GRM8: variants seen among roughly 807,000 people sequenced by gnomAD.
GRM8 encodes glutamate metabotropic receptor 8.
Under a neutral mutation model 87.2 loss-of-function variants are expected in GRM8, and 47 were observed. The observed-to-expected ratio is 0.54, with a 90% CI of 0.43 to 0.69. The LOEUF (loss-of-function observed/expected upper bound fraction) is 0.69, where lower values mean the gene tolerates loss of function less well. GRM8 is among the 30% of genes least tolerant of loss of function. GRM8 has a pLI of 0.00. For synonymous variants in GRM8, 396 were observed against 404.5 expected (o/e 0.98, Z 0.25); for missense variants, 1,019 against 1,139.2 (o/e 0.89, Z 1.52).
rs513 is a variant in GRM8, at chr7:126,456,519, T to TAAAAAAAAAAAAAAAA, written c.2431-10163_2431-10148dup. On this transcript the variant is annotated intron_variant, in intron 9 of 10. Coordinates refer to ENST00000339582, the MANE Select transcript of GRM8 (RefSeq NM_000845.3). Reference sequence around the variant, plus strand: ...TCCTAAGTGTAAGAAAGCAGCAAGCTAAAAAAAAAAAAAAAAAAAAAAAAA... The same window carrying TAAAAAAAAAAAAAAAA: ...TCCTAAGTGTAAGAAAGCAGCAAGCTAAAAAAAAAAAAAAAAAAAAAAAAAAAAAAAAAAAAAAAAA... 5.3e-4 allele frequency among the ~76,000 whole-genome samples: 37 copies of TAAAAAAAAAAAAAAAA among 69,684 alleles called. 1 individual carries two copies. Among genetic ancestry groups the TAAAAAAAAAAAAAAAA allele is most frequent in the Non-Finnish European group, 6.0e-4 (24 of 40,162 alleles). The allele number at this position is 69,684 out of a possible 152,430, so 45.7% of individuals were successfully genotyped here. A position where few individuals can be genotyped will look rare whatever the true frequency, so the allele number is the denominator to read the frequency against.
chr7:127,232,210 TGTGA>T (rs1270598103), intron 2 of GRM8, among the ~76,000 whole-genome samples: 82 of 146,092 alleles, frequency 5.6e-4, no homozygotes, highest in South Asian at 3.1e-3. Context: ...TGTGTGTGTG[TGTGA>T]GAGAGAGAGA....
At chr7:126,742,159 T>A (rs1815082240) in intron 7 of GRM8, among the ~76,000 whole-genome samples, 2 of 152,126 alleles carry the variant, frequency 1.3e-5, no homozygotes, top group South Asian at 4.1e-4. Flanking sequence ...AAAAAATCCA[T>A]TAGATCCATA....
At chr7:127,230,341 T>C (rs1294519593) in intron 2 of GRM8, among the ~76,000 whole-genome samples, 1 of 152,114 alleles carries the variant, frequency 6.6e-6, no homozygotes. Flanking sequence ...AGAGAGATGC[T>C]GTGAGAGGGA....
intron 3 of GRM8, among the ~76,000 whole-genome samples, chr7:127,036,689 G>A (rs1370872733): frequency 6.6e-6 from 1 of 152,132 alleles, no homozygotes; most frequent in African/African-American, 2.4e-5. Context: ...TGGGTCCATG[G>A]CTAGGAGATT....
intron 8 of GRM8, among the ~76,000 whole-genome samples, chr7:126,573,934 A>G (rs922859257): frequency 2.6e-5 from 4 of 152,188 alleles, no homozygotes; most frequent in African/African-American, 9.7e-5. Flanking sequence ...AACCTAATAG[A>G]TGAAGAAGTT....
intron 2 of GRM8, among the ~76,000 whole-genome samples, chr7:127,233,512 T>C (rs907617043): frequency 5.9e-5 from 9 of 152,124 alleles, no homozygotes; most frequent in Non-Finnish European, 1.2e-4. Context: ...AAAGAAATAG[T>C]ACAAGCACTA....
chr7:126,766,744 A>T (rs117562303), intron 7 of GRM8, among the ~76,000 whole-genome samples: 2 of 152,274 alleles, frequency 1.3e-5, no homozygotes, highest in East Asian at 3.9e-4. Context: ...GGTCCTGAGC[A>T]AACCTTGTTT....
At chr7:127,098,669 A>G in intron 3 of GRM8, among the ~76,000 whole-genome samples, 1 of 152,204 alleles carries the variant, frequency 6.6e-6, no homozygotes, top group East Asian at 1.9e-4. Context: ...TAACATTTCA[A>G]ACAGAATCTG....
At chr7:126,586,667 T>C (rs932907750) in intron 8 of GRM8, among the ~76,000 whole-genome samples, 1 of 152,166 alleles carries the variant, frequency 6.6e-6, no homozygotes, top group African/African-American at 2.4e-5. Context: ...TTATACCTTA[T>C]ACAAAAATTA....
chr7:126,866,678 G>A (rs912916311), intron 6 of GRM8, among the ~76,000 whole-genome samples: 4 of 129,906 alleles, frequency 3.1e-5, no homozygotes, highest in South Asian at 2.6e-4. Context: ...AGCAACCTCC[G>A]CCTCCCCGAT....
rs140430459 is a variant in GRM8, at chr7:127,022,699, AT to A, written c.727+83796del. ...AGAATACTTTTTACTAATCAAAAAA[AT>A]CTCATTAATTGTAATGCAAGAGTAT... On this transcript the variant is annotated intron_variant, in intron 3 of 10. Coordinates refer to ENST00000339582, the MANE Select transcript of GRM8 (RefSeq NM_000845.3). Among the ~76,000 whole-genome samples, 772 of 152,268 alleles carry A rather than the reference AT, an allele frequency of 5.1e-3. 11 individuals carry two copies. The highest frequency in any genetic ancestry group is 0.018 in the African/African-American group (738 of 41,580).
chr7:127,037,341 C>G lies in GRM8; in HGVS notation c.727+69155G>C, dbSNP rs144884644. Among the ~76,000 whole-genome samples, 44 of 152,236 alleles carry G rather than the reference C, an allele frequency of 2.9e-4. 1 individual carries two copies. In the East Asian group the frequency reaches 8.3e-3, roughly 29 times the overall value. On this transcript the variant is annotated intron_variant, in intron 3 of 10. Coordinates refer to ENST00000339582, the MANE Select transcript of GRM8 (RefSeq NM_000845.3). ...CTTCTGGTATCCCCAATTTGCCTCCCAGGACTTGCTCCAAGCCCAGAAGAC... is the reference window on the plus strand; with the variant it reads ...CTTCTGGTATCCCCAATTTGCCTCCGAGGACTTGCTCCAAGCCCAGAAGAC...
chr7:126,880,878 A>G (rs1586304417), intron 6 of GRM8, among the ~76,000 whole-genome samples: 1 of 152,014 alleles, frequency 6.6e-6, no homozygotes, highest in Admixed American at 6.6e-5. Flanking sequence ...AGGCTCAAAA[A>G]CCTATCACAA....
chr7:126,815,464 C>T (rs1444651986), intron 6 of GRM8, among the ~76,000 whole-genome samples: 1 of 152,066 alleles, frequency 6.6e-6, no homozygotes, highest in Non-Finnish European at 1.5e-5. Flanking sequence ...CCAACTCTGC[C>T]CTAGATGTAA....
chr7:126,860,707 T>A (rs1232132078), intron 6 of GRM8, among the ~76,000 whole-genome samples: 1 of 152,172 alleles, frequency 6.6e-6, no homozygotes, highest in East Asian at 1.9e-4. Flanking sequence ...ACTGCAAGCA[T>A]AATGAGTTCA....
chr7:126,593,939 T>A (rs1303523875), intron 8 of GRM8, among the ~76,000 whole-genome samples: 1 of 151,972 alleles, frequency 6.6e-6, no homozygotes, highest in Non-Finnish European at 1.5e-5. Flanking sequence ...GCAAAGGACC[T>A]GAATAGATGC....
intron 6 of GRM8, among the ~76,000 whole-genome samples, chr7:126,786,839 T>G (rs781599876): frequency 6.6e-5 from 10 of 152,232 alleles, no homozygotes; most frequent in Non-Finnish European, 1.2e-4. Context: ...TGTGCCAATC[T>G]AATTTAGAAG....
At chr7:127,097,516 C>T (rs1824783225) in intron 3 of GRM8, among the ~76,000 whole-genome samples, 1 of 152,158 alleles carries the variant, frequency 6.6e-6, no homozygotes, top group Non-Finnish European at 1.5e-5. Flanking sequence ...AAACCCTCTG[C>T]TATTTCAAAT....
chr7:126,948,335 G>A (rs563085808), intron 3 of GRM8, among the ~76,000 whole-genome samples: 1 of 150,984 alleles, frequency 6.6e-6, no homozygotes, highest in East Asian at 2.0e-4. Context: ...ATACATAAGA[G>A]GAAAGGGCAC....
Sources: allele counts gnomAD v4.1 joint callset (sites outside exome capture counted in the v4.1 genomes callset), GRCh38; gene constraint gnomAD v4.1.1; transcripts MANE v1.5; gene names NCBI Gene and HGNC (gene_info 2026-07-23, HGNC 2026-07-21).